Variants in NRG3 observed in about 807,000 individuals in gnomAD.
NRG3 encodes the protein pro-neuregulin-3, membrane-bound isoform.
Under a neutral mutation model 66.9 loss-of-function variants are expected in NRG3, and 31 were observed. The observed-to-expected ratio is 0.46, with a 90% CI of 0.35 to 0.63. The LOEUF is 0.63. NRG3 is among the 20% of genes least tolerant of loss of function. The probability of loss-of-function intolerance (pLI) is 0.00; values close to 1 mark genes in which losing one functional copy is unlikely to be tolerated. For synonymous variants in NRG3, 393 were observed against 359.4 expected, an observed-to-expected ratio of 1.09 and a Z score of -1.06; for missense variants, 910 against 878.9, an observed-to-expected ratio of 1.04 and a Z score of -0.45.
intron 3 of NRG3, among the ~76,000 whole-genome samples, chr10:82,799,174 T>C (rs1373113968): frequency 2.0e-5 from 3 of 152,134 alleles, no homozygotes; most frequent in Admixed American, 6.6e-5. Flanking sequence ...CTGAGACTTA[T>C]TGGTGCGGCT....
chr10:82,409,984 A>G (rs1466103631), intron 2 of NRG3, among the ~76,000 whole-genome samples: 1 of 152,190 alleles, frequency 6.6e-6, no homozygotes, highest in Non-Finnish European at 1.5e-5. Flanking sequence ...GCGCCCCAAG[A>G]GACCAGAGGG....
At chr10:82,718,192 C>T (rs1393452608) in intron 2 of NRG3, among the ~76,000 whole-genome samples, 3 of 152,242 alleles carry the variant, frequency 2.0e-5, no homozygotes, top group Non-Finnish European at 4.4e-5. Flanking sequence ...ATCTCCCTTT[C>T]TCCCTTCAGC....
chr10:82,102,398 T>G (rs2066815921), intron 1 of NRG3, among the ~76,000 whole-genome samples: 1 of 151,220 alleles, frequency 6.6e-6, no homozygotes, highest in African/African-American at 2.4e-5. Flanking sequence ...AGGGCCTTTT[T>G]TTAATGAAAT....
chr10:82,054,282 A>G (rs1174899716), intron 1 of NRG3, among the ~76,000 whole-genome samples: 2 of 152,188 alleles, frequency 1.3e-5, no homozygotes, highest in African/African-American at 2.4e-5. Flanking sequence ...AAATGATGAC[A>G]GCTTAGACCA....
At chr10:82,263,247 T>C (rs1024911752) in intron 1 of NRG3, among the ~76,000 whole-genome samples, 36 of 151,960 alleles carry the variant, frequency 2.4e-4, no homozygotes, top group African/African-American at 8.2e-4. Context: ...GAAAAACGGA[T>C]ACAAGATAGA....
chr10:82,780,412 A>T (rs1328615194), intron 3 of NRG3, among the ~76,000 whole-genome samples: 4 of 151,484 alleles, frequency 2.6e-5, no homozygotes, highest in African/African-American at 7.3e-5. Context: ...CTTGTTGAAG[A>T]ACTTTTGTTG....
chr10:81,919,591 G>A (rs1420115975), intron 1 of NRG3, among the ~76,000 whole-genome samples: 1 of 152,104 alleles, frequency 6.6e-6, no homozygotes, highest in Non-Finnish European at 1.5e-5. Context: ...TTGTGTGTTT[G>A]TATTAAAGAT....
intron 1 of NRG3, among the ~76,000 whole-genome samples, chr10:81,950,649 A>G (rs555234440): frequency 9.8e-5 from 15 of 152,312 alleles, no homozygotes; most frequent in African/African-American, 3.1e-4. Flanking sequence ...TTGTGTATCT[A>G]TGGATATCAT....
chr10:82,453,034 T>G, intron 2 of NRG3, among the ~76,000 whole-genome samples: 1 of 152,168 alleles, frequency 6.6e-6, no homozygotes, highest in African/African-American at 2.4e-5. Context: ...GTATGAATCC[T>G]TAGTAGACAG....
chr10:82,595,589 T>C (rs993495344), intron 2 of NRG3, among the ~76,000 whole-genome samples: 2 of 152,000 alleles, frequency 1.3e-5, no homozygotes, highest in South Asian at 2.1e-4. Context: ...ATCAAGACCA[T>C]GCTGGCCAAC....
At chr10:82,566,816 T>G (rs186569460) in intron 2 of NRG3, among the ~76,000 whole-genome samples, 1 of 152,100 alleles carries the variant, frequency 6.6e-6, no homozygotes, top group Admixed American at 6.6e-5. Context: ...AAAAAAATAG[T>G]CGTCTGAAAC....
At chr10:82,895,352 G>T (rs533779785) in intron 4 of NRG3, among the ~76,000 whole-genome samples, 17 of 152,134 alleles carry the variant, frequency 1.1e-4, no homozygotes, top group African/African-American at 4.1e-4. Context: ...GTTGAGCTTA[G>T]AAATTTACAT....
At chr10:82,766,977 ATGTGGATATAT>A (rs1190473197) in intron 3 of NRG3, among the ~76,000 whole-genome samples, 2 of 149,988 alleles carry the variant, frequency 1.3e-5, no homozygotes, top group Non-Finnish European at 3.0e-5. Flanking sequence ...TCACCTTAAT[ATGTGGATATAT>A]TGTGGATATA....
chr10:82,533,986 A>C (rs990764239), intron 2 of NRG3, among the ~76,000 whole-genome samples: 5 of 152,248 alleles, frequency 3.3e-5, no homozygotes, highest in African/African-American at 1.2e-4. Context: ...TGAAAAGAAA[A>C]TTAGGAAAAC....
intron 1 of NRG3, among the ~76,000 whole-genome samples, chr10:82,299,981 T>C (rs982699964): frequency 5.3e-5 from 8 of 152,186 alleles, no homozygotes; most frequent in Non-Finnish European, 1.0e-4. Flanking sequence ...AGATTGGATA[T>C]TTAATCAAGG....
At chr10:82,581,818 C>G (rs202183726) in intron 2 of NRG3, among the ~76,000 whole-genome samples, 1 of 151,536 alleles carries the variant, frequency 6.6e-6, no homozygotes, top group Non-Finnish European at 1.5e-5. Flanking sequence ...GATTTTTTTT[C>G]CTTGTTATCT....
intron 1 of NRG3, among the ~76,000 whole-genome samples, chr10:82,018,491 T>A (rs2061895588): frequency 6.6e-6 from 1 of 152,340 alleles, no homozygotes; most frequent in East Asian, 1.9e-4. Context: ...GGTAGCTTGA[T>A]GGGGATGGCA....
At position 82,427,208 on chromosome 10, in the gene NRG3, C is replaced by A. The variant is rs549797750; in HGVS notation, c.953+68340C>A. On this transcript the variant is annotated intron_variant, in intron 2 of 8. Coordinates refer to ENST00000372141, the MANE Select transcript of NRG3 (RefSeq NM_001010848.4). ...CTTAACTGATTGTCCTAGCTAGAAC[C>A]TATACTGCAATGTTGAATATAAGAA... 9.9e-5 allele frequency among the ~76,000 whole-genome samples: 15 copies of A among 152,164 alleles called. No homozygotes were observed. The South Asian group carries it at 3.1e-3, about 32-fold the overall frequency.
At chr10:82,351,185 G>T (rs891926947) in intron 1 of NRG3, among the ~76,000 whole-genome samples, 4 of 152,140 alleles carry the variant, frequency 2.6e-5, no homozygotes, top group Non-Finnish European at 5.9e-5. Flanking sequence ...TGAGCCACTC[G>T]CACCCGGCCG....
Sources: allele counts gnomAD v4.1 joint callset (sites outside exome capture counted in the v4.1 genomes callset), GRCh38; gene constraint gnomAD v4.1.1; transcripts MANE v1.5; gene names NCBI Gene and HGNC (gene_info 2026-07-23, HGNC 2026-07-21).